CDH13: variants seen among roughly 807,000 people sequenced by gnomAD.
CDH13 encodes cadherin-13.
CDH13 carries 24 observed loss-of-function variants against 63.8 expected under a neutral mutation model. The observed-to-expected ratio is 0.38, with a 90% confidence interval of 0.27 to 0.53. The LOEUF (loss-of-function observed/expected upper bound fraction) is 0.53. CDH13 is among the 20% of genes least tolerant of loss of function. The pLI is 0.85. For missense variants in CDH13, 1,049 were observed against 903.1 expected (o/e 1.16, Z -2.07); for synonymous variants, 503 against 355.3 (o/e 1.42, Z -4.67).
chr16:83,274,503 T>A (rs908935704), intron 5 of CDH13, among the ~76,000 whole-genome samples: 2 of 152,204 alleles, frequency 1.3e-5, no homozygotes, highest in Admixed American at 6.5e-5. Context: ...AGTTTGAACT[T>A]ACCTTTGTGA....
chr16:83,338,112 A>C (rs1211194629), intron 5 of CDH13, among the ~76,000 whole-genome samples: 1 of 151,346 alleles, frequency 6.6e-6, no homozygotes, highest in Non-Finnish European at 1.5e-5. Flanking sequence ...GATTGTTTTA[A>C]GCCAAATGAG....
At chr16:83,429,809 C>T (rs2072038420) in intron 6 of CDH13, among the ~76,000 whole-genome samples, 1 of 152,180 alleles carries the variant, frequency 6.6e-6, no homozygotes, top group South Asian at 2.1e-4. Flanking sequence ...GCTCTACCCT[C>T]TTAACAAATA....
In CDH13 at chr16:83,137,421, C is replaced by A. The variant is rs147721119; in HGVS notation, c.483+11920C>A. ...TGAGGAGAAATGAGGTTAACCTCGCCAACATTTATTTGATGTGCGTGTTTG... is the reference window on the plus strand; with the variant it reads ...TGAGGAGAAATGAGGTTAACCTCGCAAACATTTATTTGATGTGCGTGTTTG... On this transcript the variant is annotated intron_variant, in intron 4 of 13. Transcript: ENST00000567109. 3.2e-3 allele frequency among the ~76,000 whole-genome samples: 493 copies of A among 152,274 alleles called. 1 individual carries two copies. The highest frequency in any genetic ancestry group is 5.0e-3 in the Non-Finnish European group (343 of 68,028).
At chr16:83,071,117 A>G (rs1181704557) in intron 3 of CDH13, among the ~76,000 whole-genome samples, 1 of 152,118 alleles carries the variant, frequency 6.6e-6, no homozygotes, top group African/African-American at 2.4e-5. Context: ...ATAATAATGT[A>G]TAGCCTCATT....
At chr16:83,293,981 G>C (rs1214763572) in intron 5 of CDH13, among the ~76,000 whole-genome samples, 1 of 152,182 alleles carries the variant, frequency 6.6e-6, no homozygotes, top group Non-Finnish European at 1.5e-5. Flanking sequence ...AGCAGGAGGA[G>C]AAGATTGAAA....
rs140363870 is a variant in CDH13, at chr16:83,407,709, G to A, written c.781+62703G>A. On this transcript the variant is annotated intron_variant, in intron 6 of 13. Transcript: ENST00000567109. Reference sequence around the variant, plus strand: ...TCATTTTTAATTTAATTCCCAGGAGGCATTTTGGAAACCTTCCCTCCTCAT... The same window carrying A: ...TCATTTTTAATTTAATTCCCAGGAGACATTTTGGAAACCTTCCCTCCTCAT... 9.1e-3 allele frequency among the ~76,000 whole-genome samples: 1,391 copies of A among 152,152 alleles called. 16 individuals are homozygous for A. Among genetic ancestry groups the A allele is most frequent in the African/African-American group, 0.028 (1,182 of 41,530 alleles).
At chr16:83,218,138 G>GTGAT (rs376816539) in intron 5 of CDH13, among the ~76,000 whole-genome samples, 5 of 152,166 alleles carry the variant, frequency 3.3e-5, no homozygotes, top group Non-Finnish European at 5.9e-5. Context: ...GTATTTGGAA[G>GTGAT]TGATTGATTG....
intron 3 of CDH13, among the ~76,000 whole-genome samples, chr16:83,045,265 G>A (rs544533164): frequency 1.9e-4 from 29 of 152,114 alleles, no homozygotes; most frequent in Non-Finnish European, 3.2e-4. Context: ...AACTTTCCTC[G>A]TGAACAGAAC....
At chr16:82,774,125 C>G (rs1597532291) in intron 1 of CDH13, among the ~76,000 whole-genome samples, 1 of 146,428 alleles carries the variant, frequency 6.8e-6, no homozygotes, top group Non-Finnish European at 1.5e-5. Context: ...CATTGGAATT[C>G]TCTTTAAAAA....
intron 2 of CDH13, among the ~76,000 whole-genome samples, chr16:82,971,672 G>T (rs183697121): frequency 2.0e-5 from 3 of 152,258 alleles, no homozygotes; most frequent in Admixed American, 2.0e-4. Flanking sequence ...ATTCAACCTT[G>T]AATTCAAATG....
chr16:82,906,790 T>C (rs531946062), intron 2 of CDH13, among the ~76,000 whole-genome samples: 39 of 152,302 alleles, frequency 2.6e-4, no homozygotes, highest in African/African-American at 8.2e-4. Context: ...TGGTGGCTCC[T>C]GGCAGTCCTT....
At chr16:83,085,463 G>A (rs539237142) in intron 3 of CDH13, among the ~76,000 whole-genome samples, 3 of 152,246 alleles carry the variant, frequency 2.0e-5, no homozygotes, top group Admixed American at 2.0e-4. Flanking sequence ...TAGCTATCAT[G>A]TCAGCAAGAC....
At chr16:82,975,019 G>A (rs1172499588) in intron 2 of CDH13, among the ~76,000 whole-genome samples, 3 of 152,094 alleles carry the variant, frequency 2.0e-5, no homozygotes, top group Admixed American at 1.3e-4. Context: ...TCTGATAGCC[G>A]CACATGAAGT....
intron 3 of CDH13, among the ~76,000 whole-genome samples, chr16:83,033,155 T>C (rs546717676): frequency 6.6e-6 from 1 of 152,212 alleles, no homozygotes; most frequent in South Asian, 2.1e-4. Context: ...TACATCCACA[T>C]TTAATATATC....
chr16:83,131,569 T>A (rs2036054503), intron 4 of CDH13, among the ~76,000 whole-genome samples: 1 of 152,140 alleles, frequency 6.6e-6, no homozygotes, highest in Non-Finnish European at 1.5e-5. Flanking sequence ...TCTTTAAAGA[T>A]TTTTGAGTTC....
intron 1 of CDH13, among the ~76,000 whole-genome samples, chr16:82,698,161 T>C (rs1047663246): frequency 6.6e-6 from 1 of 152,218 alleles, no homozygotes; most frequent in African/African-American, 2.4e-5. Flanking sequence ...GTATGGAAGA[T>C]TGGAGCATTG....
intron 4 of CDH13, among the ~76,000 whole-genome samples, chr16:83,201,840 G>C (rs751956301): frequency 1.3e-5 from 2 of 151,940 alleles, no homozygotes; most frequent in Non-Finnish European, 2.9e-5. Flanking sequence ...GCGTGAACCC[G>C]GAAGGCAGAG....
At chr16:83,358,066 G>C (rs1435103689) in intron 6 of CDH13, among the ~76,000 whole-genome samples, 4 of 152,100 alleles carry the variant, frequency 2.6e-5, no homozygotes, top group Non-Finnish European at 5.9e-5. Context: ...CTGTCCAGCA[G>C]AGCAGAAGCA....
intron 2 of CDH13, among the ~76,000 whole-genome samples, chr16:83,029,621 G>C (rs966378581): frequency 1.3e-5 from 2 of 152,188 alleles, no homozygotes; most frequent in African/African-American, 4.8e-5. Flanking sequence ...AAATAGGAGA[G>C]AGTGCATACT....
Sources: gnomAD v4.1 joint callset for allele counts (sites outside exome capture counted in the v4.1 genomes callset) on GRCh38, gnomAD v4.1.1 for gene constraint, MANE v1.5 for transcripts, NCBI Gene and HGNC (gene_info 2026-07-23, HGNC 2026-07-21) for gene names.